ENTREP1: variants seen among roughly 807,000 people sequenced by gnomAD.
The protein encoded by ENTREP1 is Friedreich ataxia region gene X123.
chr9:69,367,091 A>ATTT, the ENTREP1 span, among the ~76,000 whole-genome samples: 9 of 105,736 alleles, frequency 8.5e-5, no homozygotes, highest in South Asian at 6.5e-4. Context: ...TAATTAAACA[A>ATTT]TTTTTTTTTT....
At chr9:69,390,516 A>G in the ENTREP1 span, among the ~76,000 whole-genome samples, 2 of 152,214 alleles carry the variant, frequency 1.3e-5, no homozygotes, top group Non-Finnish European at 2.9e-5. Context: ...TTTGTGACAC[A>G]TTGCAAAATA....
the ENTREP1 span, among the ~76,000 whole-genome samples, chr9:69,390,384 G>A: frequency 6.6e-6 from 1 of 152,132 alleles, no homozygotes; most frequent in Non-Finnish European, 1.5e-5. Context: ...AAACATGGCA[G>A]TGCAATTTTT....
the ENTREP1 span, among the ~76,000 whole-genome samples, chr9:69,356,048 C>T: frequency 2.6e-5 from 4 of 152,274 alleles, no homozygotes; most frequent in South Asian, 8.3e-4. Context: ...AGCGTGTTCA[C>T]AGTGTTGTGC....
At chr9:69,326,593 A>G in the ENTREP1 span, among the ~76,000 whole-genome samples, 534 of 152,256 alleles carry the variant, frequency 3.5e-3, 10 homozygotes, top group Admixed American at 0.024. Context: ...CTGCCTCCTA[A>G]CAATCTCACA....
At chr9:69,350,346 G>A in the ENTREP1 span, among the ~76,000 whole-genome samples, 2 of 151,882 alleles carry the variant, frequency 1.3e-5, no homozygotes, top group Non-Finnish European at 2.9e-5. Context: ...TTTCCCCTTT[G>A]AATTATCTTG....
chr9:69,329,702 G>A, the ENTREP1 span: 4 of 985,280 alleles, frequency 4.1e-6, no homozygotes, highest in Non-Finnish European at 4.8e-6. Flanking sequence ...GACTGGAGGT[G>A]AGTGGCTAAG....
chr9:69,360,898 CA>C, the ENTREP1 span, among the ~76,000 whole-genome samples: 114,760 of 149,816 alleles, frequency 0.77, 43,991 homozygotes, highest in South Asian at 0.87. Context: ...ATGTAAATTG[CA>C]AAAAAAAAAA....
At chr9:69,375,406 T>C in the ENTREP1 span, among the ~76,000 whole-genome samples, 1 of 152,222 alleles carries the variant, frequency 6.6e-6, no homozygotes, top group Non-Finnish European at 1.5e-5. Context: ...GGGACTCATG[T>C]ACACGAGCAG....
At chr9:69,351,642 C>T in the ENTREP1 span, among the ~76,000 whole-genome samples, 2 of 152,152 alleles carry the variant, frequency 1.3e-5, no homozygotes, top group African/African-American at 4.8e-5. Context: ...GTCTCAAACT[C>T]CTGACCTCAA....
the ENTREP1 span, among the ~76,000 whole-genome samples, chr9:69,361,664 G>A: frequency 6.6e-6 from 1 of 152,172 alleles, no homozygotes; most frequent in Admixed American, 6.5e-5. Flanking sequence ...GTTAGAAACT[G>A]CTGATCATTT....
At chr9:69,382,303 G>A in the ENTREP1 span, 11 of 152,210 alleles carry the variant, frequency 7.2e-5, no homozygotes, top group Non-Finnish European at 1.6e-4. Flanking sequence ...AGTTTCAGTG[G>A]AATGGGGGAG....
At chr9:69,376,881 C>T in the ENTREP1 span, among the ~76,000 whole-genome samples, 3 of 152,210 alleles carry the variant, frequency 2.0e-5, no homozygotes, top group African/African-American at 7.2e-5. Context: ...GGGCCAGCTC[C>T]TTCAGTGTCC....
At chr9:69,369,998 G>C in the ENTREP1 span, among the ~76,000 whole-genome samples, 1 of 152,098 alleles carries the variant, frequency 6.6e-6, no homozygotes, top group Non-Finnish European at 1.5e-5. Flanking sequence ...CCAGTCTGTA[G>C]CTTGCCTACT....
chr9:69,364,258 G>A, the ENTREP1 span, among the ~76,000 whole-genome samples: 1 of 152,102 alleles, frequency 6.6e-6, no homozygotes, highest in African/African-American at 2.4e-5. Context: ...CCCACTTAAT[G>A]GATGAGAAAA....
chr9:69,375,905 C>T, the ENTREP1 span: 18 of 1,581,096 alleles, frequency 1.1e-5, no homozygotes, highest in East Asian at 2.3e-5. Context: ...AAATACACCA[C>T]GGAGCCCCCA....
At chr9:69,377,644 G>A in the ENTREP1 span, 3 of 1,614,094 alleles carry the variant, frequency 1.9e-6, no homozygotes, top group Non-Finnish European at 8.5e-7. Context: ...AGAAGCGGAG[G>A]ATCATGGACG....
chr9:69,326,566 C>A, the ENTREP1 span, among the ~76,000 whole-genome samples: 6 of 152,050 alleles, frequency 3.9e-5, no homozygotes, highest in African/African-American at 1.4e-4. Context: ...CTATGGACAC[C>A]GGGTGGCCAC....
At chr9:69,388,161 C>T in the ENTREP1 span, 2 of 1,614,160 alleles carry the variant, frequency 1.2e-6, no homozygotes, top group Non-Finnish European at 1.7e-6. Context: ...CCCACAGCTG[C>T]CCCAGTGCTC....
chr9:69,361,866 T>C, the ENTREP1 span, among the ~76,000 whole-genome samples: 2 of 152,188 alleles, frequency 1.3e-5, no homozygotes, highest in South Asian at 2.1e-4. Context: ...TCAGGACCAC[T>C]GAGTCAATTC....
Sources: allele counts gnomAD v4.1 joint callset (sites outside exome capture counted in the v4.1 genomes callset), GRCh38; gene constraint gnomAD v4.1.1; transcripts MANE v1.5; gene names NCBI Gene and HGNC (gene_info 2026-07-23, HGNC 2026-07-21).